Variants in PRKAR2B observed in about 807,000 individuals in gnomAD.
The protein encoded by PRKAR2B is protein kinase cAMP-dependent type II regulatory subunit beta.
PRKAR2B carries 14 observed loss-of-function variants against 49.9 expected under a neutral mutation model. The observed-to-expected ratio is 0.28, with a 90% CI of 0.19 to 0.44. The LOEUF is 0.44. Ranked by LOEUF, PRKAR2B falls within the 20% of genes least tolerant of loss-of-function variation. The pLI is 1.00. For synonymous variants in PRKAR2B, 196 were observed against 197.7 expected, an observed-to-expected ratio of 0.99 and a Z score of 0.07; for missense variants, 393 against 537.9, an observed-to-expected ratio of 0.73 and a Z score of 2.67.
intron 2 of PRKAR2B, among the ~76,000 whole-genome samples, chr7:107,103,080 A>G (rs1326761947): frequency 1.3e-5 from 2 of 152,334 alleles, no homozygotes; most frequent in Admixed American, 1.3e-4. Flanking sequence ...TTCAAACATA[A>G]GAAGGGATTA....
chr7:107,108,972 A>G (rs1379542674), intron 2 of PRKAR2B, among the ~76,000 whole-genome samples: 1 of 152,238 alleles, frequency 6.6e-6, no homozygotes, highest in Non-Finnish European at 1.5e-5. Flanking sequence ...GCTATCCCAG[A>G]GCAGAGTGGG....
chr7:107,101,130 T>C (rs1188174863), intron 2 of PRKAR2B, among the ~76,000 whole-genome samples: 1 of 148,462 alleles, frequency 6.7e-6, no homozygotes, highest in African/African-American at 2.5e-5. Context: ...TCCAGGTTGT[T>C]GCTTATTTTT....
chr7:107,081,220 G>T (rs1469171845), intron 2 of PRKAR2B, among the ~76,000 whole-genome samples: 1 of 152,114 alleles, frequency 6.6e-6, no homozygotes, highest in Non-Finnish European at 1.5e-5. Flanking sequence ...ATTGTTATTT[G>T]TGGGGGAGAG....
chr7:107,151,488 G>C (rs746535037), intron 7 of PRKAR2B, among the ~76,000 whole-genome samples: 12 of 152,160 alleles, frequency 7.9e-5, no homozygotes, highest in Non-Finnish European at 1.8e-4. Flanking sequence ...TTATTCACTT[G>C]GTGAACATGT....
intron 2 of PRKAR2B, among the ~76,000 whole-genome samples, chr7:107,088,015 T>A (rs982268499): frequency 4.6e-5 from 7 of 152,328 alleles, no homozygotes; most frequent in Non-Finnish European, 1.0e-4. Context: ...AAGCTGTGGC[T>A]GCCTACTGTA....
chr7:107,108,179 A>C (rs1795112465), intron 2 of PRKAR2B, among the ~76,000 whole-genome samples: 1 of 152,156 alleles, frequency 6.6e-6, no homozygotes, highest in Non-Finnish European at 1.5e-5. Flanking sequence ...CCCCAAAGGC[A>C]CGAGACCTAA....
intron 2 of PRKAR2B, among the ~76,000 whole-genome samples, chr7:107,071,075 A>T (rs1794263217): frequency 1.3e-5 from 2 of 152,264 alleles, no homozygotes; most frequent in African/African-American, 4.8e-5. Context: ...ACTATTATTT[A>T]GAAAATTCAC....
intron 1 of PRKAR2B, chr7:107,069,837 A>G (rs1414991307): frequency 4.6e-5 from 7 of 152,654 alleles, no homozygotes; most frequent in Non-Finnish European, 1.0e-4. Context: ...TTATCATTTA[A>G]GAAATGATGC....
intron 2 of PRKAR2B, among the ~76,000 whole-genome samples, chr7:107,096,410 C>G (rs1044936966): frequency 7.9e-5 from 12 of 151,298 alleles, no homozygotes; most frequent in African/African-American, 2.9e-4. Context: ...CTTTGTTAGT[C>G]TTGCTAGCGG....
chr7:107,085,265 T>A (rs1472277906), intron 2 of PRKAR2B, among the ~76,000 whole-genome samples: 1 of 152,042 alleles, frequency 6.6e-6, no homozygotes, highest in African/African-American at 2.4e-5. Context: ...ATTGTACCAA[T>A]TTTCTGTGTT....
At chr7:107,151,986 C>T (rs1187890412) in intron 7 of PRKAR2B, among the ~76,000 whole-genome samples, 1 of 152,164 alleles carries the variant, frequency 6.6e-6, no homozygotes, top group African/African-American at 2.4e-5. Flanking sequence ...CTTACTTATC[C>T]AACTGCAAAT....
At chr7:107,123,967 G>A (rs561563595) in intron 3 of PRKAR2B, among the ~76,000 whole-genome samples, 5 of 152,220 alleles carry the variant, frequency 3.3e-5, no homozygotes, top group African/African-American at 1.2e-4. Flanking sequence ...ACATGCTTGG[G>A]AATGATTATT....
intron 2 of PRKAR2B, among the ~76,000 whole-genome samples, chr7:107,083,844 G>A (rs564746497): frequency 2.0e-5 from 3 of 152,016 alleles, no homozygotes; most frequent in South Asian, 2.1e-4. Flanking sequence ...AACTCCTGAC[G>A]TTGTGATCCA....
intron 1 of PRKAR2B, among the ~76,000 whole-genome samples, chr7:107,064,545 C>T (rs573642103): frequency 9.9e-5 from 15 of 152,248 alleles, no homozygotes; most frequent in South Asian, 4.1e-4. Flanking sequence ...AAACAGCTCC[C>T]GTTATGTCTC....
At chr7:107,123,158 C>T (rs1456328657) in intron 3 of PRKAR2B, among the ~76,000 whole-genome samples, 2 of 152,198 alleles carry the variant, frequency 1.3e-5, no homozygotes, top group South Asian at 2.1e-4. Context: ...TAATTGAGAT[C>T]AGAGCAATCG....
chr7:107,140,510 C>T (rs1238499508), intron 4 of PRKAR2B, among the ~76,000 whole-genome samples: 1 of 152,080 alleles, frequency 6.6e-6, no homozygotes, highest in Non-Finnish European at 1.5e-5. Context: ...TGAAATAATT[C>T]CTTACTAACC....
At chr7:107,149,968 T>G (rs1360280843) in intron 6 of PRKAR2B, among the ~76,000 whole-genome samples, 1 of 151,892 alleles carries the variant, frequency 6.6e-6, no homozygotes, top group Non-Finnish European at 1.5e-5. Context: ...ATGTACCCCA[T>G]AAATATACAC....
intron 1 of PRKAR2B, among the ~76,000 whole-genome samples, chr7:107,052,946 C>G (rs940337808): frequency 1.3e-5 from 2 of 152,194 alleles, no homozygotes; most frequent in Non-Finnish European, 2.9e-5. Context: ...TCTCCTGCCT[C>G]AGCTTCCTGA....
chr7:107,068,273 G>T (rs777425458), intron 1 of PRKAR2B, among the ~76,000 whole-genome samples: 1 of 152,128 alleles, frequency 6.6e-6, no homozygotes, highest in African/African-American at 2.4e-5. Context: ...GAGGCTGGAG[G>T]GGGCAGGGGG....
Sources: allele counts gnomAD v4.1 joint callset (sites outside exome capture counted in the v4.1 genomes callset), GRCh38; gene constraint gnomAD v4.1.1; transcripts MANE v1.5; gene names NCBI Gene and HGNC (gene_info 2026-07-23, HGNC 2026-07-21).